Variants in CACNA1A observed in about 807,000 individuals in gnomAD.
CACNA1A encodes the protein calcium voltage-gated channel subunit alpha1 A.
Under a neutral mutation model 262.4 loss-of-function variants are expected in CACNA1A, and 57 were observed. The ratio of observed to expected loss-of-function variants is 0.22; its 90% CI spans 0.18 to 0.27. CACNA1A has a LOEUF of 0.27. Among genes scored for constraint, CACNA1A ranks in the 10% least tolerant of loss-of-function variants. The pLI is 1.00. For synonymous variants in CACNA1A, 1,431 were observed against 1,419.3 expected (o/e 1.01, Z -0.18); for missense variants, 2,526 against 3,562.8 (o/e 0.71, Z 7.41).
At chr19:13,229,057 AG>A in intron 36 of CACNA1A, 1 of 146,832 alleles carries the variant, frequency 6.8e-6, no homozygotes, top group Non-Finnish European at 1.3e-5. Flanking sequence ...CATGGGCTAC[AG>A]GGGTGGGGGG....
chr19:13,416,348 T>C (rs1379579710), intron 3 of CACNA1A, among the ~76,000 whole-genome samples: 4 of 152,130 alleles, frequency 2.6e-5, no homozygotes, highest in Non-Finnish European at 5.9e-5. Flanking sequence ...AGCAATCCTC[T>C]GGCCTCAGCT....
intron 46 of CACNA1A, among the ~76,000 whole-genome samples, chr19:13,208,432 C>T (rs1002175142): frequency 1.3e-5 from 2 of 151,428 alleles, no homozygotes; most frequent in Non-Finnish European, 2.9e-5. Context: ...AAACAGAAGC[C>T]GGGTTAAAGG....
chr19:13,265,778 G>A lies in CACNA1A; in HGVS notation c.3990-2945C>T, dbSNP rs183381445. Among the ~76,000 whole-genome samples, 3 of 151,756 alleles carry A rather than the reference G, an allele frequency of 2.0e-5. No individual in the cohort carries two copies. The East Asian group carries it at 5.8e-4, about 29-fold the overall frequency. Reference sequence around the variant, plus strand: ...GCCTTTAACACCTCCCTAACACTTAGTAATTTTCCTTTTAACAAAGAGCCC... The same window carrying A: ...GCCTTTAACACCTCCCTAACACTTAATAATTTTCCTTTTAACAAAGAGCCC... On this transcript the variant is annotated intron_variant, in intron 24 of 46. Transcript: ENST00000360228.
Position 13,241,556 on chromosome 19 carries a change from G to A in CACNA1A, c.4950+3626C>T, listed in dbSNP as rs1255772601. The A allele has an allele frequency of 8.3e-6, 10 of 1,201,292 alleles. No individual in the cohort carries two copies. Among genetic ancestry groups the A allele is most frequent in the Non-Finnish European group, 1.2e-5 (10 of 837,892 alleles). 74.4% of individuals were successfully genotyped at this position (1,201,292 alleles called of 1,614,324 possible). On this transcript the variant is annotated intron_variant, in intron 31 of 46. Coordinates refer to ENST00000360228, the MANE Select transcript of CACNA1A (RefSeq NM_001127222.2). The surrounding 1 kb of genome is among the most constrained non-coding windows in gnomAD (Gnocchi z 4.0). ...ATGCAGATGTTGAAGATGAGGGGGA[G>A]CGGGCGGGCGGGGGCAGTTGGGGAG...
chr19:13,235,754 T>G, intron 31 of CACNA1A, 24 bp from the exon 32 acceptor site: 3 of 1,545,038 alleles, frequency 1.9e-6, no homozygotes, highest in South Asian at 1.1e-5. Context: ...GGAAGAGGGG[T>G]GACCATCCAC....
In CACNA1A at chr19:13,235,191, T is replaced by C; in HGVS notation, c.5133+18A>G. 6.2e-7 allele frequency: 1 copy of C among 1,607,190 alleles called. No individual in the cohort carries two copies. Among genetic ancestry groups the C allele is most frequent in the Non-Finnish European group, 8.5e-7 (1 of 1,176,454 alleles). On this transcript the variant is annotated intron_variant, in intron 33 of 46. Coordinates refer to ENST00000360228, the MANE Select transcript of CACNA1A (RefSeq NM_001127222.2). ...CCTCCTTGGGAGGCTCTGGGAACCT[T>C]AGGGACACGACACTCACCTGCATCC...
chr19:13,365,232 A>G lies in CACNA1A; in HGVS notation c.784+85T>C, dbSNP rs962633250. Reference sequence around the variant, plus strand: ...GACGGTCCTCCCAGCTGCCAGGAGAAAGAAGCACACCCCTGCCTAATCCTC... The same window carrying G: ...GACGGTCCTCCCAGCTGCCAGGAGAGAGAAGCACACCCCTGCCTAATCCTC... On this transcript the variant is annotated intron_variant, in intron 5 of 46. Coordinates refer to ENST00000360228, the MANE Select transcript of CACNA1A (RefSeq NM_001127222.2). The G allele has an allele frequency of 5.6e-6, 7 of 1,250,560 alleles. No individual in the cohort carries two copies. The Admixed American group carries it at 1.4e-4, about 26-fold the overall frequency. 77.5% of individuals were successfully genotyped at this position (1,250,560 alleles called of 1,614,324 possible). A position where few individuals can be genotyped will look rare whatever the true frequency, so the allele number is the denominator to read the frequency against.
intron 19 of CACNA1A, among the ~76,000 whole-genome samples, chr19:13,295,643 C>A (rs781412432): frequency 6.6e-6 from 1 of 151,900 alleles, no homozygotes; most frequent in African/African-American, 2.4e-5. Context: ...AGGCACCTGC[C>A]GCCACACCTG....
intron 24 of CACNA1A, among the ~76,000 whole-genome samples, chr19:13,269,320 GAA>G (rs937480577): frequency 1.3e-5 from 2 of 152,230 alleles, no homozygotes; most frequent in African/African-American, 4.8e-5. Flanking sequence ...GAGGCCTAGA[GAA>G]AAAGAGTGAC....
intron 24 of CACNA1A, among the ~76,000 whole-genome samples, chr19:13,265,348 G>A (rs186399432): frequency 3.0e-4 from 46 of 152,304 alleles, no homozygotes; most frequent in Non-Finnish European, 4.0e-4. Context: ...CCCCCATCAC[G>A]ATGGGTCTCA....
chr19:13,325,652 C>G (rs1179250228), intron 10 of CACNA1A, among the ~76,000 whole-genome samples: 1 of 152,192 alleles, frequency 6.6e-6, no homozygotes, highest in Non-Finnish European at 1.5e-5. Flanking sequence ...CCAGGCTGGT[C>G]TCAAACTCCT....
At chr19:13,319,468 C>T (rs1286377769) in intron 10 of CACNA1A, among the ~76,000 whole-genome samples, 1 of 152,310 alleles carries the variant, frequency 6.6e-6, no homozygotes, top group Admixed American at 6.5e-5. Context: ...TTTCTCCATT[C>T]ATTCCTCCAT....
At chr19:13,500,688 A>C (rs545038947) in intron 1 of CACNA1A, among the ~76,000 whole-genome samples, 4 of 152,208 alleles carry the variant, frequency 2.6e-5, no homozygotes, top group Non-Finnish European at 5.9e-5. Context: ...TCCTGGGTTA[A>C]TTTACCCAAG....
intron 38 of CACNA1A, 47 bp downstream of exon 38, chr19:13,224,619 GT>G: frequency 7.5e-7 from 1 of 1,338,952 alleles, no homozygotes; most frequent in South Asian, 1.2e-5. Flanking sequence ...GAGATCCCCG[GT>G]TCCACCCTGT....
At chr19:13,271,177 A>T (rs7251409) in intron 24 of CACNA1A, among the ~76,000 whole-genome samples, 26,020 of 148,928 alleles carry the variant, frequency 0.17, 2,745 homozygotes, top group East Asian at 0.43. Flanking sequence ...CTCAGAAATT[A>T]AAAAAAAAGT....
At chr19:13,451,965 G>A (rs556812720) in intron 3 of CACNA1A, 2 of 151,986 alleles carry the variant, frequency 1.3e-5, no homozygotes, top group Non-Finnish European at 2.9e-5. Flanking sequence ...AATTCTCCCA[G>A]GCATGTACCA....
intron 3 of CACNA1A, among the ~76,000 whole-genome samples, chr19:13,413,716 TAA>T (rs547824574): frequency 8.9e-5 from 11 of 123,422 alleles, no homozygotes; most frequent in Admixed American, 2.5e-4. Context: ...CCGTCTCTAC[TAA>T]AAAAAAAAAA....
At chr19:13,243,290 T>C (rs2056130583) in intron 31 of CACNA1A, among the ~76,000 whole-genome samples, 2 of 152,188 alleles carry the variant, frequency 1.3e-5, no homozygotes, top group South Asian at 4.1e-4. Context: ...AAATTCTGGC[T>C]CACTGGAGCT....
At chr19:13,221,219 T>TTTC (rs755559751) in intron 38 of CACNA1A, among the ~76,000 whole-genome samples, 610 of 14,728 alleles carry the variant, frequency 0.041, 22 homozygotes, top group Non-Finnish European at 0.059. Flanking sequence ...TGTTTTTTCT[T>TTTC]TTCTTTCTTT....
Sources: allele counts gnomAD v4.1 joint callset (sites outside exome capture counted in the v4.1 genomes callset), GRCh38; gene constraint gnomAD v4.1.1; non-coding constraint Gnocchi (gnomAD v3.1); transcripts MANE v1.5; gene names NCBI Gene and HGNC (gene_info 2026-07-23, HGNC 2026-07-21).